The following LRRC4C variants were observed in gnomAD, a reference collection of about 807,000 sequenced individuals.
LRRC4C encodes the protein leucine rich repeat containing 4C, also known as leucine-rich repeat-containing protein 4C.
In LRRC4C, 5 loss-of-function variants were observed where a neutral mutation model predicts 33.6. The ratio of observed to expected loss-of-function variants is 0.15; its 90% confidence interval spans 0.08 to 0.31. The LOEUF (loss-of-function observed/expected upper bound fraction) is 0.31. Among genes scored for constraint, LRRC4C ranks in the 10% least tolerant of loss-of-function variants. The pLI is 1.00. For synonymous variants in LRRC4C, 329 were observed against 302.0 expected (o/e 1.09, Z -0.93); for missense variants, 560 against 796.7 (o/e 0.70, Z 3.58).
intron 1 of LRRC4C, among the ~76,000 whole-genome samples, chr11:40,961,135 G>A (rs1233629794): frequency 1.3e-5 from 2 of 151,640 alleles, no homozygotes; most frequent in African/African-American, 4.8e-5. Flanking sequence ...TTTGGAAAAG[G>A]TTCAGCTGTA....
intron 3 of LRRC4C, among the ~76,000 whole-genome samples, chr11:40,413,132 C>T (rs1030844934): frequency 4.6e-5 from 7 of 151,822 alleles, no homozygotes; most frequent in Admixed American, 1.3e-4. Flanking sequence ...AAATCTACTA[C>T]GACTAACAGA....
At chr11:40,343,342 CATAT>C (rs35866050) in intron 3 of LRRC4C, among the ~76,000 whole-genome samples, 42,021 of 150,492 alleles carry the variant, frequency 0.28, 6,394 homozygotes, top group East Asian at 0.5. Flanking sequence ...CTAAAACTTA[CATAT>C]ATATATATAT....
At chr11:40,508,893 A>G (rs1955168307) in intron 3 of LRRC4C, among the ~76,000 whole-genome samples, 1 of 152,164 alleles carries the variant, frequency 6.6e-6, no homozygotes, top group Admixed American at 6.6e-5. Context: ...TAGCTATTAA[A>G]TTAAAATAAG....
chr11:40,704,431 T>C (rs1946039414), intron 2 of LRRC4C, among the ~76,000 whole-genome samples: 1 of 152,208 alleles, frequency 6.6e-6, no homozygotes, highest in Non-Finnish European at 1.5e-5. Context: ...TTTTGACTTC[T>C]TGGTTCCTTT....
At chr11:40,355,834 T>C (rs1033772555) in intron 3 of LRRC4C, among the ~76,000 whole-genome samples, 3 of 152,136 alleles carry the variant, frequency 2.0e-5, no homozygotes, top group African/African-American at 7.2e-5. Flanking sequence ...CTTTTGTAGA[T>C]AGTTGTTCAA....
intron 2 of LRRC4C, among the ~76,000 whole-genome samples, chr11:40,653,788 G>A (rs947642673): frequency 6.6e-6 from 1 of 152,166 alleles, no homozygotes; most frequent in Non-Finnish European, 1.5e-5. Flanking sequence ...AATATCTCCA[G>A]GGCATGTCAG....
At position 41,143,024 on chromosome 11, in the gene LRRC4C, A is replaced by G. The variant is rs528609695; in HGVS notation, c.-495-209301T>C. On this transcript the variant is annotated intron_variant, in intron 1 of 6. Transcript: ENST00000528697. The stretch of plus-strand genomic sequence containing the variant: ...TGTGTTATAGAAAATTCTAGATTCA[A>G]TCCTGTCTATTTCCTCTCCTAGCCT... 3.3e-5 allele frequency among the ~76,000 whole-genome samples: 5 copies of G among 152,248 alleles called. No homozygotes were observed. The East Asian group carries it at 7.7e-4, about 24-fold the overall frequency.
intron 3 of LRRC4C, among the ~76,000 whole-genome samples, chr11:40,488,908 G>T (rs11035866): frequency 6.6e-6 from 1 of 151,948 alleles, no homozygotes; most frequent in African/African-American, 2.4e-5. Context: ...CAATGATATT[G>T]TGGTTTCTCC....
chr11:40,728,300 T>G (rs1420110388), intron 2 of LRRC4C, among the ~76,000 whole-genome samples: 1 of 152,008 alleles, frequency 6.6e-6, no homozygotes, highest in Non-Finnish European at 1.5e-5. Flanking sequence ...ACTGGGTATA[T>G]GTCAAAAGAA....
intron 1 of LRRC4C, among the ~76,000 whole-genome samples, chr11:41,253,308 T>C (rs1483535292): frequency 6.6e-6 from 1 of 152,118 alleles, no homozygotes; most frequent in African/African-American, 2.4e-5. Flanking sequence ...CTTTCTTTAA[T>C]TATCTTTCCC....
At chr11:40,808,973 C>T (rs1014402823) in intron 2 of LRRC4C, among the ~76,000 whole-genome samples, 1 of 152,132 alleles carries the variant, frequency 6.6e-6, no homozygotes, top group African/African-American at 2.4e-5. Flanking sequence ...CCTCTCTCCC[C>T]TCTCCTGGGA....
chr11:41,012,237 T>A (rs1245966046), intron 1 of LRRC4C, among the ~76,000 whole-genome samples: 1 of 152,068 alleles, frequency 6.6e-6, no homozygotes, highest in Non-Finnish European at 1.5e-5. Context: ...ATCCTCTTCT[T>A]TCCCCTACCC....
intron 1 of LRRC4C, among the ~76,000 whole-genome samples, chr11:41,010,888 T>C (rs1855127305): frequency 6.6e-6 from 1 of 152,146 alleles, no homozygotes; most frequent in African/African-American, 2.4e-5. Context: ...AAATGAGTCT[T>C]GGATGCTCTT....
chr11:41,438,038 C>CAAATAAATAAATAAAT (rs569593314), intron 1 of LRRC4C, among the ~76,000 whole-genome samples: 2 of 65,592 alleles, frequency 3.0e-5, no homozygotes, highest in Non-Finnish European at 4.2e-5. Context: ...AACTCCATCT[C>CAAATAAATAAATAAAT]AAATAAATAA....
intron 2 of LRRC4C, among the ~76,000 whole-genome samples, chr11:40,758,520 T>A (rs1949049712): frequency 6.6e-6 from 1 of 152,080 alleles, no homozygotes; most frequent in South Asian, 2.1e-4. Flanking sequence ...TGTTGATTTG[T>A]TTCCGGTTTT....
At chr11:40,639,919 C>A (rs145128619) in intron 3 of LRRC4C, among the ~76,000 whole-genome samples, 219 of 148,572 alleles carry the variant, frequency 1.5e-3, no homozygotes, top group African/African-American at 5.4e-3. Flanking sequence ...TTGGAGCCTT[C>A]ACATAGACTG....
chr11:40,383,055 G>A (rs1249980121), intron 3 of LRRC4C, among the ~76,000 whole-genome samples: 7 of 151,888 alleles, frequency 4.6e-5, no homozygotes, highest in Non-Finnish European at 1.0e-4. Context: ...AGAAGGTACC[G>A]TTCTTTTCTC....
At chr11:40,990,893 AT>A (rs1189210070) in intron 1 of LRRC4C, among the ~76,000 whole-genome samples, 2 of 152,042 alleles carry the variant, frequency 1.3e-5, no homozygotes, top group Non-Finnish European at 2.9e-5. Context: ...GCTTTTTTTT[AT>A]ACAAGGAAGT....
intron 1 of LRRC4C, among the ~76,000 whole-genome samples, chr11:41,188,335 T>TA (rs892953843): frequency 6.6e-6 from 1 of 152,042 alleles, no homozygotes; most frequent in African/African-American, 2.4e-5. Flanking sequence ...AGTAAGCAAC[T>TA]AAAAAAATAA....
Sources: allele counts gnomAD v4.1 joint callset (sites outside exome capture counted in the v4.1 genomes callset), GRCh38; gene constraint gnomAD v4.1.1; transcripts MANE v1.5; gene names NCBI Gene and HGNC (gene_info 2026-07-23, HGNC 2026-07-21).